PLBD1: variants seen among roughly 807,000 people sequenced by gnomAD.
The protein encoded by PLBD1 is lysosomal leucine aminopeptidase.
Under a neutral mutation model 63.0 loss-of-function variants are expected in PLBD1, and 60 were observed. That is an observed-to-expected ratio of 0.95 (90% CI 0.77 to 1.18). The LOEUF is 1.18. PLBD1 is among the 50% of genes most tolerant of loss of function. PLBD1 has a pLI of 0.00. For synonymous variants in PLBD1, 262 were observed against 248.0 expected, an observed-to-expected ratio of 1.06 and a Z score of -0.53; for missense variants, 598 against 677.9, an observed-to-expected ratio of 0.88 and a Z score of 1.31.
chr12:14,558,049 CAAA>C (rs35613344), intron 1 of PLBD1, among the ~76,000 whole-genome samples: 40 of 93,532 alleles, frequency 4.3e-4, no homozygotes, highest in Non-Finnish European at 3.2e-4. Flanking sequence ...ACTACGTAGC[CAAA>C]AAAAAAAAAA....
intron 6 of PLBD1, among the ~76,000 whole-genome samples, chr12:14,532,439 C>T (rs1945473305): frequency 6.6e-6 from 1 of 152,148 alleles, no homozygotes; most frequent in South Asian, 2.1e-4. Context: ...ATGCTGAAAC[C>T]CGAGGGTAAG....
At chr12:14,524,662 T>C (rs556270113) in intron 6 of PLBD1, among the ~76,000 whole-genome samples, 3 of 152,298 alleles carry the variant, frequency 2.0e-5, no homozygotes, top group South Asian at 2.1e-4. Flanking sequence ...TGTATATACA[T>C]TGTGTAATGA....
intron 1 of PLBD1, among the ~76,000 whole-genome samples, chr12:14,556,548 T>G (rs1292219984): frequency 6.6e-6 from 1 of 151,918 alleles, no homozygotes; most frequent in Non-Finnish European, 1.5e-5. Context: ...TTTGTATTTT[T>G]AGTAGAGACA....
At chr12:14,511,427 G>C in intron 7 of PLBD1, 27 bp from the exon 8 acceptor site, 1 of 1,613,424 alleles carries the variant, frequency 6.2e-7, no homozygotes. Context: ...CATGAAGACG[G>C]GGCATGGGTA....
At chr12:14,504,022 T>G in intron 10 of PLBD1, 68 bp from the exon 11 acceptor site, 4 of 1,379,212 alleles carry the variant, frequency 2.9e-6, no homozygotes, top group African/African-American at 1.5e-5. Context: ...TCCATGGCCT[T>G]CCCCACTCTC....
rs763496644 is a variant in PLBD1 at position 14,506,975 on chromosome 12, C to T, written c.1330G>A (p.Val444Met). ...TATTTCATGGATGCCGTATCAGTCA[C>T]TTTCCCTTGGTCACGCCGGAAAATT... The part of the protein sequence containing the change: ...AKIFRRDQGK[V>M]TDTASMKYIM... Residue 444 changes from valine to methionine, a missense_variant, in exon 9 of 11, where the codon GTG (valine) becomes ATG (methionine). Physicochemically the swap from Val to Met is conservative, Grantham distance 21. Coordinates refer to ENST00000240617, the MANE Select transcript of PLBD1 (RefSeq NM_024829.6). 6.2e-7 allele frequency: 1 copy of T among 1,614,118 alleles called. No homozygotes were observed. Among genetic ancestry groups the T allele is most frequent in the East Asian group, 2.2e-5 (1 of 44,878 alleles).
At chr12:14,544,567 A>C (rs1945602200) in intron 2 of PLBD1, among the ~76,000 whole-genome samples, 1 of 152,170 alleles carries the variant, frequency 6.6e-6, no homozygotes, top group Admixed American at 6.5e-5. Context: ...AACTCCTAAT[A>C]GGTCTATATC....
intron 2 of PLBD1, among the ~76,000 whole-genome samples, chr12:14,545,115 T>A (rs899930658): frequency 2.0e-5 from 3 of 152,304 alleles, no homozygotes; most frequent in African/African-American, 7.2e-5. Context: ...TCCTATGGAA[T>A]ATTGCAGTGA....
intron 1 of PLBD1, among the ~76,000 whole-genome samples, chr12:14,567,146 CA>C (rs1000193208): frequency 1.3e-5 from 2 of 152,288 alleles, no homozygotes; most frequent in Middle Eastern, 3.4e-3. Flanking sequence ...AGGCACGTAT[CA>C]AACTGACAAT....
chr12:14,550,276 G>C (rs548250279), intron 2 of PLBD1, among the ~76,000 whole-genome samples: 1 of 152,290 alleles, frequency 6.6e-6, no homozygotes, highest in African/African-American at 2.4e-5. Context: ...CATAGTTTTA[G>C]AGATTCTAGA....
At position 14,540,013 on chromosome 12, in the gene PLBD1, C is replaced by CTTAATTATAT. The variant is rs1555147086; in HGVS notation, c.558+750_558+751insATATAATTAA. The stretch of plus-strand genomic sequence containing the variant: ...AAAAAGTTCAAAGAAAAGCTATGCA[C>CTTAATTATAT]ATATATATATATATATATATATATA... On this transcript the variant is annotated intron_variant, in intron 4 of 10. Transcript: ENST00000240617. 1.8e-3 allele frequency among the ~76,000 whole-genome samples: 41 copies of CTTAATTATAT among 22,742 alleles called. 2 individuals carry two copies. The highest frequency in any genetic ancestry group is 0.056 in the Middle Eastern group (2 of 36). The allele number at this position is 22,742 out of a possible 152,430, so 14.9% of individuals were successfully genotyped here.
intron 6 of PLBD1, among the ~76,000 whole-genome samples, chr12:14,534,161 G>A (rs888596275): frequency 6.6e-6 from 1 of 152,084 alleles, no homozygotes; most frequent in Non-Finnish European, 1.5e-5. Context: ...AAAATAAAAA[G>A]GAATTTCTGA....
chr12:14,524,725 G>A (rs1229898693), intron 6 of PLBD1, among the ~76,000 whole-genome samples: 1 of 152,180 alleles, frequency 6.6e-6, no homozygotes, highest in Middle Eastern at 3.2e-3. Flanking sequence ...AGGAAGGTAC[G>A]ACCCCACACT....
At chr12:14,524,829 A>T (rs1945404834) in intron 6 of PLBD1, among the ~76,000 whole-genome samples, 1 of 152,252 alleles carries the variant, frequency 6.6e-6, no homozygotes, top group Non-Finnish European at 1.5e-5. Flanking sequence ...GTTACCAGAG[A>T]GGGAATCTCA....
intron 2 of PLBD1, among the ~76,000 whole-genome samples, chr12:14,547,830 T>C (rs1284832194): frequency 6.6e-6 from 1 of 152,172 alleles, no homozygotes; most frequent in East Asian, 1.9e-4. Context: ...CCTTTAGTAT[T>C]TCCCACAGTG....
chr12:14,520,679 A>T (rs1945367601), intron 6 of PLBD1, among the ~76,000 whole-genome samples: 2 of 152,262 alleles, frequency 1.3e-5, no homozygotes, highest in Admixed American at 1.3e-4. Flanking sequence ...GGATGGCTGC[A>T]TAAAAAAGAG....
chr12:14,550,191 T>C (rs1177120695), intron 2 of PLBD1, among the ~76,000 whole-genome samples: 1 of 152,250 alleles, frequency 6.6e-6, no homozygotes, highest in Non-Finnish European at 1.5e-5. Context: ...TCTGTACTTA[T>C]GGCTAACAAG....
At chr12:14,553,631 G>T (rs753092644) in intron 1 of PLBD1, 2 of 591,392 alleles carry the variant, frequency 3.4e-6, no homozygotes, top group Non-Finnish European at 6.0e-6. Context: ...CAAGGTCAAA[G>T]GTGGGGGTGT....
At chr12:14,563,091 A>G (rs999740183) in intron 1 of PLBD1, among the ~76,000 whole-genome samples, 5 of 152,170 alleles carry the variant, frequency 3.3e-5, no homozygotes, top group African/African-American at 1.2e-4. Context: ...CTTTGCTACC[A>G]AATTTATGTT....
Sources: gnomAD v4.1 joint callset for allele counts (sites outside exome capture counted in the v4.1 genomes callset) on GRCh38, gnomAD v4.1.1 for gene constraint, MANE v1.5 for transcripts, NCBI Gene and HGNC (gene_info 2026-07-23, HGNC 2026-07-21) for gene names.